The following CPED1 variants were observed in gnomAD, a reference collection of about 807,000 sequenced individuals.
CPED1 encodes cadherin like and PC-esterase domain containing 1.
Under a neutral mutation model 128.2 loss-of-function variants are expected in CPED1, and 114 were observed. The ratio of observed to expected loss-of-function variants is 0.89; its 90% CI spans 0.76 to 1.04. The LOEUF is 1.04. CPED1 is among the 50% of genes least tolerant of loss of function. The pLI, the probability that CPED1 is intolerant of heterozygous loss-of-function variation, is 0.00. For synonymous variants in CPED1, 462 were observed against 426.7 expected (o/e 1.08, Z -1.02); for missense variants, 1,211 against 1,207.1 (o/e 1.00, Z -0.05).
At chr7:121,289,256 G>T (rs1792643290) in intron 22 of CPED1, among the ~76,000 whole-genome samples, 1 of 152,138 alleles carries the variant, frequency 6.6e-6, no homozygotes, top group Non-Finnish European at 1.5e-5. Context: ...TTTCTTTGGG[G>T]TTAGCAGAGT....
intron 3 of CPED1, among the ~76,000 whole-genome samples, chr7:121,017,519 A>G (rs1463099535): frequency 1.3e-5 from 2 of 152,152 alleles, no homozygotes; most frequent in African/African-American, 4.8e-5. Flanking sequence ...GTGATTGTAT[A>G]ACTACTGCAC....
At chr7:121,190,391 CAAAAAAAAA>C (rs368606501) in intron 16 of CPED1, among the ~76,000 whole-genome samples, 2 of 97,392 alleles carry the variant, frequency 2.1e-5, no homozygotes, top group African/African-American at 4.2e-5. Context: ...GACTCTGTAT[CAAAAAAAAA>C]AAAAAAAAAA....
rs910786674 is a variant in CPED1 at position 121,074,724 on chromosome 7, C to T, written c.616+10411C>T. Among the ~76,000 whole-genome samples, 68 of 152,086 alleles carry T rather than the reference C, an allele frequency of 4.5e-4. 2 individuals are homozygous for T. The highest frequency in any genetic ancestry group is 1.6e-3 in the African/African-American group (67 of 41,504). Reference sequence around the variant, plus strand: ...TCCTTTGCTAGCATTAAAATCTCACCTTTAGATCCTTTACCTTTCTTTTGC... The same window carrying T: ...TCCTTTGCTAGCATTAAAATCTCACTTTTAGATCCTTTACCTTTCTTTTGC... On this transcript the variant is annotated intron_variant, in intron 5 of 22. Transcript: ENST00000310396.
At chr7:121,004,230 G>T (rs1475776862) in intron 2 of CPED1, among the ~76,000 whole-genome samples, 1 of 152,194 alleles carries the variant, frequency 6.6e-6, no homozygotes, top group Non-Finnish European at 1.5e-5. Flanking sequence ...ACATGCATCT[G>T]AATGCCAAGG....
chr7:121,209,091 ATT>A (rs1377567540), intron 16 of CPED1, among the ~76,000 whole-genome samples: 1 of 151,968 alleles, frequency 6.6e-6, no homozygotes, highest in Non-Finnish European at 1.5e-5. Context: ...CAAAATATTT[ATT>A]TTGTTTATAA....
chr7:121,102,823 C>T (rs1794887974), intron 7 of CPED1, among the ~76,000 whole-genome samples: 1 of 152,094 alleles, frequency 6.6e-6, no homozygotes, highest in Admixed American at 6.6e-5. Context: ...TCCACTTATC[C>T]CTGACCGTGG....
At chr7:121,260,965 G>A (rs889002975) in intron 18 of CPED1, among the ~76,000 whole-genome samples, 43 of 151,608 alleles carry the variant, frequency 2.8e-4, no homozygotes, top group Admixed American at 1.6e-3. Context: ...TCTTCCTGCC[G>A]CAACAGATCA....
intron 21 of CPED1, among the ~76,000 whole-genome samples, chr7:121,270,858 T>A (rs532309501): frequency 1.3e-5 from 2 of 152,252 alleles, no homozygotes; most frequent in African/African-American, 4.8e-5. Context: ...TTATTAGGGC[T>A]CTTTTTTGGT....
chr7:121,161,641 C>G (rs1316925055), intron 16 of CPED1, among the ~76,000 whole-genome samples: 2 of 152,204 alleles, frequency 1.3e-5, no homozygotes, highest in Non-Finnish European at 2.9e-5. Context: ...TAAGAGCTAT[C>G]TCAGAATTAG....
chr7:121,283,530 G>T (rs971780356), intron 22 of CPED1, among the ~76,000 whole-genome samples: 50 of 152,208 alleles, frequency 3.3e-4, no homozygotes, highest in African/African-American at 1.2e-3. Context: ...GTCACTAAGA[G>T]TAGGGAAGAG....
chr7:121,159,451 A>C (rs1796363335), intron 16 of CPED1, among the ~76,000 whole-genome samples: 1 of 152,176 alleles, frequency 6.6e-6, no homozygotes, highest in Non-Finnish European at 1.5e-5. Context: ...AATTCAGTAG[A>C]AATACATGGA....
At chr7:121,077,484 AT>A (rs919091396) in intron 5 of CPED1, among the ~76,000 whole-genome samples, 24 of 152,068 alleles carry the variant, frequency 1.6e-4, no homozygotes, top group African/African-American at 5.3e-4. Flanking sequence ...TTCATGTGCA[AT>A]TTTTACATAC....
At chr7:121,203,559 G>A (rs911790557) in intron 16 of CPED1, among the ~76,000 whole-genome samples, 5 of 151,942 alleles carry the variant, frequency 3.3e-5, no homozygotes, top group Non-Finnish European at 5.9e-5. Flanking sequence ...TGCCCCTGTG[G>A]GCCTTTTCCT....
intron 18 of CPED1, among the ~76,000 whole-genome samples, chr7:121,245,420 A>G (rs1461706509): frequency 6.6e-6 from 1 of 152,128 alleles, no homozygotes; most frequent in East Asian, 1.9e-4. Flanking sequence ...TTTCTTGCTA[A>G]ATTTGTTACA....
intron 2 of CPED1, among the ~76,000 whole-genome samples, chr7:120,995,963 C>T (rs796315772): frequency 2.3e-4 from 29 of 126,756 alleles, no homozygotes; most frequent in African/African-American, 1.1e-3. Flanking sequence ...TCCTCCTCCT[C>T]CTCCTCCTTC....
chr7:121,039,296 A>T (rs1042653811), intron 3 of CPED1, among the ~76,000 whole-genome samples: 1 of 151,896 alleles, frequency 6.6e-6, no homozygotes, highest in African/African-American at 2.4e-5. Context: ...CTAATCGTTG[A>T]CTTCAGTGTG....
In CPED1 at chr7:121,224,264, C is replaced by G. The variant is rs147655404; in HGVS notation, c.2056-12450C>G. On this transcript the variant is annotated intron_variant, in intron 16 of 22. Coordinates refer to ENST00000310396, the MANE Select transcript of CPED1 (RefSeq NM_024913.5). The stretch of plus-strand genomic sequence containing the variant: ...GTTGTTCAGTTTCCATGTAGTTGTG[C>G]GGTTTTGAGTGAGTTTCTTAATCCT... Among the ~76,000 whole-genome samples the G allele has an allele frequency of 1.1e-4, 16 of 152,128 alleles. No homozygotes were observed. The East Asian group carries it at 2.7e-3, about 26-fold the overall frequency.
chr7:121,088,431 G>A (rs1445443208), intron 5 of CPED1, among the ~76,000 whole-genome samples: 1 of 151,950 alleles, frequency 6.6e-6, no homozygotes, highest in East Asian at 1.9e-4. Flanking sequence ...AGGCTGAGGT[G>A]GGCAGATCAC....
intron 18 of CPED1, among the ~76,000 whole-genome samples, chr7:121,253,600 G>C (rs1398758701): frequency 6.6e-6 from 1 of 151,948 alleles, no homozygotes; most frequent in African/African-American, 2.4e-5. Flanking sequence ...AAATGTAAAT[G>C]GGCTAAATGA....
Sources: gnomAD v4.1 joint callset for allele counts (sites outside exome capture counted in the v4.1 genomes callset) on GRCh38, gnomAD v4.1.1 for gene constraint, MANE v1.5 for transcripts, NCBI Gene and HGNC (gene_info 2026-07-23, HGNC 2026-07-21) for gene names.